DMD: variants seen among roughly 807,000 people sequenced by gnomAD.
DMD encodes the protein dystrophin, also known as mutant dystrophin.
DMD carries 63 observed loss-of-function variants against 330.1 expected under a neutral mutation model. The ratio of observed to expected loss-of-function variants is 0.19; its 90% CI spans 0.16 to 0.24. The LOEUF is 0.24. DMD is among the 10% of genes least tolerant of loss of function. The probability of loss-of-function intolerance (pLI) is 1.00; values close to 1 mark genes in which losing one functional copy is unlikely to be tolerated. For missense variants in DMD, 3,344 were observed against 2,684.1 expected (o/e 1.25, Z -5.43); for synonymous variants, 1,223 against 959.8 (o/e 1.27, Z -5.07).
At chrX:32,202,193 G>C (rs1258863376) in intron 44 of DMD, among the ~76,000 whole-genome samples, 1 of 111,477 alleles carries the variant, frequency 9.0e-6, no homozygotes, top group Non-Finnish European at 1.9e-5. Context: ...TTGGCAGCAA[G>C]AGCTTAATAT....
chrX:32,821,564 G>A (rs891709157), intron 5 of DMD, among the ~76,000 whole-genome samples: 3 of 108,644 alleles, frequency 2.8e-5, no homozygotes, highest in African/African-American at 1.0e-4. Context: ...CTCCAGCCTG[G>A]GCGACAGAGC....
intron 2 of DMD, among the ~76,000 whole-genome samples, chrX:32,986,374 A>G (rs1569547220): frequency 8.9e-6 from 1 of 112,367 alleles, no homozygotes; most frequent in Non-Finnish European, 1.9e-5. Flanking sequence ...TTACATATAG[A>G]AAATTACCTT....
chrX:33,280,338 G>T (rs2053309646), intron 1 of DMD, among the ~76,000 whole-genome samples: 1 of 111,979 alleles, frequency 8.9e-6, no homozygotes, highest in South Asian at 3.6e-4. Context: ...TTTTAATGAG[G>T]TTCACTTTAT....
intron 13 of DMD, among the ~76,000 whole-genome samples, chrX:32,591,891 G>A (rs1403898485): frequency 1.8e-5 from 2 of 112,984 alleles, no homozygotes; most frequent in African/African-American, 6.4e-5. Flanking sequence ...CCCCGCACTG[G>A]CTCCTGGGAG....
chrX:32,697,744 G>T (rs1465123606), intron 9 of DMD, 126 bp downstream of exon 9: 1 of 992,978 alleles, frequency 1.0e-6, no homozygotes, highest in African/African-American at 1.9e-5. Flanking sequence ...ATAAAACTTG[G>T]AAAAACAAAC....
intron 60 of DMD, among the ~76,000 whole-genome samples, chrX:31,396,785 A>C (rs1282809780): frequency 9.0e-6 from 1 of 111,610 alleles, no homozygotes; most frequent in Non-Finnish European, 1.9e-5. Flanking sequence ...AAAATCATTC[A>C]AAAACTGCAT....
intron 6 of DMD, 77 bp from the exon 7 acceptor site, chrX:32,809,688 A>T: frequency 1.1e-6 from 1 of 893,498 alleles, no homozygotes; most frequent in South Asian, 2.0e-5. Flanking sequence ...ATTTACTTCC[A>T]TGCTTAATTT....
intron 34 of DMD, among the ~76,000 whole-genome samples, chrX:32,370,494 A>G (rs1397749247): frequency 3.6e-5 from 4 of 111,479 alleles, no homozygotes. Flanking sequence ...TGTTTATTAA[A>G]GAAGAATTTC....
At chrX:31,794,602 G>A (rs951720336) in intron 50 of DMD, among the ~76,000 whole-genome samples, 5 of 111,593 alleles carry the variant, frequency 4.5e-5, no homozygotes, top group African/African-American at 1.6e-4. Flanking sequence ...CCTAGAGGAC[G>A]CTGAGATAAT....
In DMD at chrX:31,388,859, G is replaced by A. The variant is rs767079774; in HGVS notation, c.9085-40225C>T. On this transcript the variant is annotated intron_variant, in intron 60 of 78. Transcript: ENST00000357033. Reference sequence around the variant, plus strand: ...GGAGGTTGCAGTGAGCCAAGATCACGCCACTGCACTCCAGCCTGGGTGACA... The same window carrying A: ...GGAGGTTGCAGTGAGCCAAGATCACACCACTGCACTCCAGCCTGGGTGACA... Among the ~76,000 whole-genome samples, 4 of 112,235 alleles carry A rather than the reference G, an allele frequency of 3.6e-5. No individual in the cohort carries two copies. In the South Asian group the frequency reaches 1.1e-3, roughly 31 times the overall value.
At chrX:31,146,191 C>T in intron 76 of DMD, 100 bp downstream of exon 76, 7 of 1,026,416 alleles carry the variant, frequency 6.8e-6, no homozygotes, top group Non-Finnish European at 9.6e-6. Context: ...CTCCCTGATA[C>T]CAAGATGAGT....
At chrX:31,695,803 T>C (rs993992068) in intron 52 of DMD, among the ~76,000 whole-genome samples, 50 of 110,996 alleles carry the variant, frequency 4.5e-4, no homozygotes, top group African/African-American at 1.5e-3. Context: ...GAGACGTTTA[T>C]CAATGGGTAC....
At chrX:32,385,077 CA>C (rs2097948904) in intron 33 of DMD, among the ~76,000 whole-genome samples, 1 of 110,697 alleles carries the variant, frequency 9.0e-6, no homozygotes, top group Non-Finnish European at 1.9e-5. Context: ...TTTTGAACAA[CA>C]AAAGACCCAG....
chrX:32,065,716 G>A (rs1415965594), intron 44 of DMD, among the ~76,000 whole-genome samples: 3 of 111,695 alleles, frequency 2.7e-5, no homozygotes, highest in African/African-American at 9.7e-5. Context: ...AAAGCAACAC[G>A]GGTGTTTTGA....
intron 2 of DMD, among the ~76,000 whole-genome samples, chrX:32,860,785 C>T (rs67616992): frequency 0.31 from 34,142 of 109,873 alleles, 4,513 homozygotes; most frequent in African/African-American, 0.49. Flanking sequence ...CCTCACACCC[C>T]CTATGTGGAA....
intron 60 of DMD, among the ~76,000 whole-genome samples, chrX:31,394,271 T>C (rs1210462864): frequency 3.6e-5 from 4 of 112,506 alleles, no homozygotes; most frequent in Non-Finnish European, 7.5e-5. Flanking sequence ...GAAAGGTTTA[T>C]GCGCACCAGA....
chrX:33,159,441 T>G (rs972464926), intron 1 of DMD: 3 of 111,197 alleles, frequency 2.7e-5, no homozygotes, highest in African/African-American at 9.8e-5. Context: ...CCATAGCCCC[T>G]CACCCACCAA....
intron 44 of DMD, among the ~76,000 whole-genome samples, chrX:32,182,383 T>C (rs1426799124): frequency 8.9e-6 from 1 of 111,842 alleles, no homozygotes; most frequent in African/African-American, 3.2e-5. Flanking sequence ...AGCCTTATTA[T>C]GTGTAATAAA....
chrX:32,382,966 T>C (rs181198604), intron 33 of DMD, among the ~76,000 whole-genome samples: 1 of 110,923 alleles, frequency 9.0e-6, no homozygotes, highest in East Asian at 2.8e-4. Flanking sequence ...CAGTAAAATG[T>C]TTTAGTAGTC....
Sources: allele counts gnomAD v4.1 joint callset (sites outside exome capture counted in the v4.1 genomes callset), GRCh38; gene constraint gnomAD v4.1.1; transcripts MANE v1.5; gene names NCBI Gene and HGNC (gene_info 2026-07-23, HGNC 2026-07-21).